Variants in KDM3B observed in about 807,000 individuals in gnomAD.
KDM3B encodes lysine demethylase 3B.
Under a neutral mutation model 170.0 loss-of-function variants are expected in KDM3B, and 10 were observed. That is an observed-to-expected ratio of 0.06 (90% confidence interval 0.04 to 0.10). KDM3B has a LOEUF of 0.10. Among genes scored for constraint, KDM3B ranks in the 10% least tolerant of loss-of-function variants. The pLI, the probability that KDM3B is intolerant of heterozygous loss-of-function variation, is 1.00. For missense variants in KDM3B, 1,394 were observed against 2,195.2 expected, an observed-to-expected ratio of 0.64 and a Z score of 7.29; for synonymous variants, 831 against 834.8, an observed-to-expected ratio of 1.00 and a Z score of 0.08.
rs1024341103 is a variant in KDM3B, at chr5:138,379,640, G to A, written c.637G>A (p.Gly213Arg). 5.0e-6 allele frequency: 8 copies of A among 1,613,334 alleles called. No homozygotes were observed. The highest frequency in any genetic ancestry group is 4.0e-5 in the African/African-American group (3 of 74,890). ...VKIYQPEGEE[G>R]WLYGVVSHQD... Reference sequence around the variant, plus strand: ...AATATATCAGCCAGAGGGGGAAGAAGGGTGGCTCTATGGTGTTGTGAGCCA... The same window carrying A: ...AATATATCAGCCAGAGGGGGAAGAAAGGTGGCTCTATGGTGTTGTGAGCCA... The change falls in exon 5 of 24, where the codon GGG becomes AGG. Residue 213 changes from glycine (G) to arginine (R), a missense_variant. Coordinates refer to ENST00000314358, the MANE Select transcript of KDM3B (RefSeq NM_016604.4).
chr5:138,375,297 G>A (rs1387914532), intron 3 of KDM3B, 91 bp downstream of exon 3: 1 of 649,426 alleles, frequency 1.5e-6, no homozygotes, highest in African/African-American at 1.8e-5. Context: ...TCCTTTTACT[G>A]GGTGGGAACA....
At chr5:138,390,149 G>A (rs755861658) in intron 7 of KDM3B, among the ~76,000 whole-genome samples, 10 of 151,910 alleles carry the variant, frequency 6.6e-5, no homozygotes, top group East Asian at 3.9e-4. Context: ...ATGAGCCACC[G>A]CGCCAGGCCC....
At chr5:138,432,331 C>T (rs902720196) in intron 23 of KDM3B, among the ~76,000 whole-genome samples, 1 of 152,144 alleles carries the variant, frequency 6.6e-6, no homozygotes, top group South Asian at 2.1e-4. Context: ...GCTGAACAAT[C>T]AGATTAGGTT....
chr5:138,390,006 C>T (rs1762388076), intron 7 of KDM3B, among the ~76,000 whole-genome samples: 1 of 151,898 alleles, frequency 6.6e-6, no homozygotes, highest in Non-Finnish European at 1.5e-5. Flanking sequence ...ACTACAGGCA[C>T]GTGCCACCAT....
At chr5:138,406,656 G>A (rs1762829688) in intron 11 of KDM3B, among the ~76,000 whole-genome samples, 2 of 151,990 alleles carry the variant, frequency 1.3e-5, no homozygotes, top group South Asian at 4.1e-4. Context: ...AAAAAGAAAA[G>A]TTAAACAATT....
intron 1 of KDM3B, among the ~76,000 whole-genome samples, chr5:138,368,101 C>G (rs2126917434): frequency 6.6e-6 from 1 of 152,242 alleles, no homozygotes; most frequent in South Asian, 2.1e-4. Context: ...ACCTCTGACT[C>G]AATCCAATCA....
intron 11 of KDM3B, among the ~76,000 whole-genome samples, chr5:138,404,023 G>GA (rs958604494): frequency 1.5e-4 from 22 of 144,588 alleles, no homozygotes; most frequent in African/African-American, 3.0e-4. Context: ...TAATGTAGAA[G>GA]AAAAAAAAAA....
chr5:138,392,283 TTGGGCTTTGCTCTGGCAC>T, intron 8 of KDM3B, 22 bp downstream of exon 8: 1 of 1,467,764 alleles, frequency 6.8e-7, no homozygotes, highest in Non-Finnish European at 9.0e-7. Context: ...GGGGCTATAT[TTGGGCTTTGCTCTGGCAC>T]TGGGCTCAAA....
Position 138,419,094 on chromosome 5 carries a change from A to C in KDM3B, c.3577A>C (p.Lys1193Gln). 2 of 1,614,244 alleles carry C rather than the reference A, an allele frequency of 1.2e-6. No homozygotes were observed. The highest frequency in any genetic ancestry group is 1.7e-6 in the Non-Finnish European group (2 of 1,180,036). The change falls in exon 14 of 24, where the codon AAA (lysine) becomes CAA (glutamine). Residue 1193 changes from lysine (K) to glutamine (Q), a missense_variant. Lys to Gln is a moderately conservative substitution (Grantham distance 53). Coordinates refer to ENST00000314358, the MANE Select transcript of KDM3B (RefSeq NM_016604.4). Reference protein sequence around the residue: ...STDIRSEEPLKTDSSASNSNS... With the variant: ...STDIRSEEPLQTDSSASNSNS... ...TGACATCAGATCTGAAGAGCCTCTGAAAACAGACAGTTCGGCATCAAATAG... is the reference window on the plus strand; with the variant it reads ...TGACATCAGATCTGAAGAGCCTCTGCAAACAGACAGTTCGGCATCAAATAG...
intron 22 of KDM3B, 40 bp downstream of exon 22, chr5:138,430,465 G>A: frequency 6.4e-7 from 1 of 1,564,440 alleles, no homozygotes; most frequent in Non-Finnish European, 8.7e-7. Flanking sequence ...CAGTTCCATG[G>A]GCTTTCTTAT....
chr5:138,358,097 A>T (rs1283829195), intron 1 of KDM3B, among the ~76,000 whole-genome samples: 1 of 151,810 alleles, frequency 6.6e-6, no homozygotes, highest in Non-Finnish European at 1.5e-5. Context: ...TCCTGGGTTC[A>T]AGCGATTCTC....
Position 138,380,520 on chromosome 5 carries a change from C to CT in KDM3B, c.705+816dup, listed in dbSNP as rs1762101317. ...TCTCATCCTTTAAAATAGATGCGTT[C>CT]TTTTCCACTACATGGATATATCATG... On this transcript the variant is annotated intron_variant, in intron 5 of 23. Transcript: ENST00000314358. Among the ~76,000 whole-genome samples the CT allele has an allele frequency of 7.2e-5, 11 of 151,988 alleles. No individual in the cohort carries two copies. In the South Asian group the frequency reaches 2.3e-3, roughly 32 times the overall value.
Position 138,392,211 on chromosome 5 carries a change from G to A in KDM3B, c.2579G>A (p.Ser860Asn). The stretch of plus-strand genomic sequence containing the variant: ...AGTGCTGAGCTGTTGCTGGGCAAAA[G>A]CAAAGGGAAGCAGGCCCCCAAGGGC... ...ERSAELLLGK[S>N]KGKQAPKGRP... The change falls in exon 8 of 24, where the codon AGC becomes AAC. Residue 860 changes from serine (S) to asparagine (N), a missense_variant. Ser to Asn is a conservative substitution (Grantham distance 46). Around this residue, in one of 19 missense-constraint regions of KDM3B, gnomAD observed 84 missense variants for 135.8 expected, o/e 0.62. Transcript: ENST00000314358. 6.6e-7 allele frequency: 1 copy of A among 1,507,066 alleles called. No individual in the cohort carries two copies. The highest frequency in any genetic ancestry group is 1.4e-5 in the South Asian group (1 of 73,184). 93.4% of individuals were successfully genotyped at this position (1,507,066 alleles called of 1,614,324 possible). A position where few individuals can be genotyped will look rare whatever the true frequency, so the allele number is the denominator to read the frequency against.
intron 1 of KDM3B, among the ~76,000 whole-genome samples, chr5:138,357,183 C>T (rs144555527): frequency 2.6e-4 from 39 of 151,920 alleles, no homozygotes; most frequent in African/African-American, 8.4e-4. Flanking sequence ...GATGGGGTTT[C>T]GCCATGTTGC....
At chr5:138,357,555 G>A (rs549741198) in intron 1 of KDM3B, among the ~76,000 whole-genome samples, 1 of 151,728 alleles carries the variant, frequency 6.6e-6, no homozygotes, top group South Asian at 2.1e-4. Flanking sequence ...ATAGAGATAG[G>A]TTTTGCCATG....
intron 22 of KDM3B, among the ~76,000 whole-genome samples, chr5:138,430,626 A>G (rs1763506728): frequency 6.6e-6 from 1 of 152,162 alleles, no homozygotes; most frequent in Admixed American, 6.5e-5. Context: ...CTGGTAGCTC[A>G]ACGCCTGTAA....
In KDM3B at chr5:138,386,469, C is replaced by G. The variant is rs1256751318; in HGVS notation, c.1228C>G (p.Leu410Val). 6 of 1,614,042 alleles carry G rather than the reference C, an allele frequency of 3.7e-6. No individual in the cohort carries two copies. In the South Asian group the frequency reaches 4.4e-5, roughly 12 times the overall value. Residue 410 changes from leucine to valine, a missense_variant, in exon 7 of 24, where the codon CTG (leucine) becomes GTG (valine). This residue lies in a region of KDM3B where 205 missense variants were observed against 227.6 expected (regional missense o/e 0.90). Coordinates refer to ENST00000314358, the MANE Select transcript of KDM3B (RefSeq NM_016604.4). ...GAENKEAGKT[L>V]EQVGQGIVAS... The stretch of plus-strand genomic sequence containing the variant: ...CGAAAACAAAGAGGCAGGAAAAACA[C>G]TGGAACAAGTTGGCCAGGGCATAGT...
chr5:138,400,223 C>A (rs937314578), intron 11 of KDM3B, among the ~76,000 whole-genome samples: 9 of 151,464 alleles, frequency 5.9e-5, no homozygotes, highest in Admixed American at 5.9e-4. Flanking sequence ...TTAATTTTTC[C>A]TTGGTTTTTT....
intron 11 of KDM3B, among the ~76,000 whole-genome samples, chr5:138,404,626 T>TA (rs574323887): frequency 0.32 from 45,246 of 142,030 alleles, 7,356 homozygotes; most frequent in South Asian, 0.44. Context: ...AAACTCCATC[T>TA]AAAAAAAAAA....
Sources: allele counts gnomAD v4.1 joint callset (sites outside exome capture counted in the v4.1 genomes callset), GRCh38; gene constraint gnomAD v4.1.1; regional missense constraint gnomAD v4.1.1; transcripts MANE v1.5; gene names NCBI Gene and HGNC (gene_info 2026-07-23, HGNC 2026-07-21).